Variants in PARP8 observed in about 807,000 individuals in gnomAD.
PARP8 encodes the protein protein mono-ADP-ribosyltransferase PARP8.
Under a neutral mutation model 124.1 loss-of-function variants are expected in PARP8, and 51 were observed. The observed-to-expected ratio is 0.41, with a 90% confidence interval of 0.33 to 0.52. The LOEUF (loss-of-function observed/expected upper bound fraction) is 0.52. PARP8 is among the 20% of genes least tolerant of loss of function. The pLI is 0.21. For missense variants in PARP8, 860 were observed against 1,018.9 expected, an observed-to-expected ratio of 0.84 and a Z score of 2.12; for synonymous variants, 391 against 361.5, an observed-to-expected ratio of 1.08 and a Z score of -0.93.
chr5:50,798,997 A>G (rs1021563515), intron 14 of PARP8, among the ~76,000 whole-genome samples: 1 of 152,060 alleles, frequency 6.6e-6, no homozygotes, highest in Non-Finnish European at 1.5e-5. Context: ...ATGATTTGCA[A>G]TTATTTTCTT....
At chr5:50,774,996 G>C (rs1739805901) in intron 7 of PARP8, among the ~76,000 whole-genome samples, 1 of 148,236 alleles carries the variant, frequency 6.7e-6, no homozygotes, top group East Asian at 2.1e-4. Flanking sequence ...CATCCCAGAT[G>C]ATGGGCGGCC....
At chr5:50,709,796 A>T (rs898705765) in intron 2 of PARP8, among the ~76,000 whole-genome samples, 1 of 151,426 alleles carries the variant, frequency 6.6e-6, no homozygotes, top group Non-Finnish European at 1.5e-5. Context: ...CAAAAGAGAG[A>T]TAAATAGACA....
At chr5:50,830,815 CAT>C (rs1491277175) in intron 22 of PARP8, among the ~76,000 whole-genome samples, 1 of 119,996 alleles carries the variant, frequency 8.3e-6, no homozygotes, top group Non-Finnish European at 1.6e-5. Flanking sequence ...CTTGTGTGCT[CAT>C]GCGTGTGTGT....
intron 14 of PARP8, among the ~76,000 whole-genome samples, chr5:50,812,350 T>C (rs1744553255): frequency 6.6e-6 from 1 of 152,218 alleles, no homozygotes; most frequent in African/African-American, 2.4e-5. Context: ...CCAGTGATGA[T>C]GAGCATTTTT....
At chr5:50,724,952 T>G (rs567720859) in intron 2 of PARP8, among the ~76,000 whole-genome samples, 1 of 152,076 alleles carries the variant, frequency 6.6e-6, no homozygotes, top group South Asian at 2.1e-4. Flanking sequence ...AACGTATGGT[T>G]TTTGGTTTTC....
intron 19 of PARP8, among the ~76,000 whole-genome samples, chr5:50,827,402 A>T (rs1746466864): frequency 6.6e-6 from 1 of 152,138 alleles, no homozygotes; most frequent in African/African-American, 2.4e-5. Flanking sequence ...CAAGCTATTA[A>T]TCCAAAAGAT....
chr5:50,682,741 A>G (rs1751430367), intron 2 of PARP8, among the ~76,000 whole-genome samples: 1 of 152,192 alleles, frequency 6.6e-6, no homozygotes, highest in Non-Finnish European at 1.5e-5. Flanking sequence ...CCTTATGAGT[A>G]CTGAATAGTG....
Position 50,794,329 on chromosome 5 carries a change from G to T in PARP8, c.860G>T (p.Arg287Leu), listed in dbSNP as rs142224685. The change falls in exon 11 of 26, where the codon CGC becomes CTC. Residue 287 changes from arginine (R) to leucine (L), a missense_variant. Coordinates refer to ENST00000281631, the MANE Select transcript of PARP8 (RefSeq NM_024615.4). ...CCCCTGCATTTATTTTCTACTTTGCGCAGGTTGGTAACAGGCAACTTCGTC... is the reference window on the plus strand; with the variant it reads ...CCCCTGCATTTATTTTCTACTTTGCTCAGGTTGGTAACAGGCAACTTCGTC... ...KSPLHLFSTL[R>L]RSPSYPPPGC... 1.9e-6 allele frequency: 3 copies of T among 1,612,294 alleles called. No homozygotes were observed. The highest frequency in any genetic ancestry group is 2.2e-5 in the South Asian group (2 of 90,922).
rs1749382571 is a variant in PARP8, at chr5:50,667,167, G to A, written c.72G>A (p.Glu24=). 1 of 1,595,888 alleles carries A rather than the reference G, an allele frequency of 6.3e-7. No individual in the cohort carries two copies. Among genetic ancestry groups the A allele is most frequent in the East Asian group, 2.3e-5 (1 of 44,352 alleles). Residue 24 remains glutamate, a synonymous_variant, in exon 1 of 26, where the codon GAG becomes GAA. Transcript: ENST00000281631. Reference sequence around the variant, plus strand: ...TCGTGATCCAGAAGTCCAGAGCTGAGAAGGACTGCCTGTTTGCAGGTGAGT... The same window carrying A: ...TCGTGATCCAGAAGTCCAGAGCTGAAAAGGACTGCCTGTTTGCAGGTGAGT... ...IDVVIQKSRA[E]KDCLFADFRY... is the part of the protein sequence containing the mutation.
chr5:50,800,065 C>A (rs1027097470), intron 14 of PARP8, among the ~76,000 whole-genome samples: 16 of 152,216 alleles, frequency 1.1e-4, no homozygotes, highest in Non-Finnish European at 1.6e-4. Context: ...CTTTCCAATT[C>A]ATGTACACCA....
At chr5:50,803,947 T>G (rs1481505374) in intron 14 of PARP8, among the ~76,000 whole-genome samples, 1 of 152,162 alleles carries the variant, frequency 6.6e-6, no homozygotes. Context: ...CAAACTGTTT[T>G]GGCAGTCCTT....
At chr5:50,673,800 G>C (rs1750313205) in intron 2 of PARP8, among the ~76,000 whole-genome samples, 1 of 152,188 alleles carries the variant, frequency 6.6e-6, no homozygotes, top group Admixed American at 6.5e-5. Flanking sequence ...GAATCCTTAT[G>C]CAAACATTTG....
chr5:50,734,055 T>C (rs569997162), intron 2 of PARP8, among the ~76,000 whole-genome samples: 14 of 152,322 alleles, frequency 9.2e-5, no homozygotes, highest in African/African-American at 3.4e-4. Context: ...AAAAATACTT[T>C]TGGAAGCATT....
chr5:50,832,629 T>C (rs1437146570), intron 22 of PARP8, 152 bp from the exon 23 acceptor site: 3 of 582,062 alleles, frequency 5.2e-6, no homozygotes, highest in African/African-American at 1.9e-5. Flanking sequence ...ATCTTCCACC[T>C]CAGGGGCTAA....
chr5:50,744,614 TCATATAATATATACCAAACA>T (rs1264455395), intron 2 of PARP8: 88 of 628,168 alleles, frequency 1.4e-4, no homozygotes, highest in Non-Finnish European at 2.3e-4. Flanking sequence ...ATCACACTGT[TCATATAATATATACCAAACA>T]CATATTTGAC....
At chr5:50,727,814 G>T (rs569690326) in intron 2 of PARP8, among the ~76,000 whole-genome samples, 1 of 152,136 alleles carries the variant, frequency 6.6e-6, no homozygotes, top group Admixed American at 6.6e-5. Flanking sequence ...CCTTTGTCAA[G>T]TTATGGGGCC....
Position 50,842,379 on chromosome 5 carries a change from C to G in PARP8, c.*311C>G, listed in dbSNP as rs1241697565. 1.4e-5 allele frequency: 3 copies of G among 216,888 alleles called. No homozygotes were observed. The highest frequency in any genetic ancestry group is 7.1e-5 in the African/African-American group (3 of 42,166). The allele number at this position is 216,888 out of a possible 1,614,324, so 13.4% of individuals were successfully genotyped here. A position where few individuals can be genotyped will look rare whatever the true frequency, so the allele number is the denominator to read the frequency against. The stretch of plus-strand genomic sequence containing the variant: ...GATATTTTTATACTAAACTCTTTAA[C>G]TGGATATTTGGTATTATATACCGAC... On this transcript the variant is annotated 3_prime_UTR_variant, in exon 26 of 26. Transcript: ENST00000281631.
rs1748371734 is a variant in PARP8 at position 50,843,410 on chromosome 5, A to G, written c.*1342A>G. 6.6e-6 allele frequency: 1 copy of G among 151,798 alleles called. No homozygotes were observed. The highest frequency in any genetic ancestry group is 2.1e-4 in the South Asian group (1 of 4,834). The allele number at this position is 151,798 out of a possible 1,614,324, so 9.4% of individuals were successfully genotyped here. On this transcript the variant is annotated 3_prime_UTR_variant, in exon 26 of 26. Transcript: ENST00000281631. ...AAAATGTATAGTCATTTGCAAGTAT[A>G]ATGTGATAACTGCTGTGTTTATTTC...
intron 9 of PARP8, 124 bp from the exon 10 acceptor site, chr5:50,788,399 G>A: frequency 1.3e-6 from 1 of 752,814 alleles, no homozygotes; most frequent in East Asian, 2.7e-5. Flanking sequence ...AGGACTGCAT[G>A]TACACTGTTT....
Sources: gnomAD v4.1 joint callset for allele counts (sites outside exome capture counted in the v4.1 genomes callset) on GRCh38, gnomAD v4.1.1 for gene constraint, MANE v1.5 for transcripts, NCBI Gene and HGNC (gene_info 2026-07-23, HGNC 2026-07-21) for gene names.